GULP1: variants seen among roughly 807,000 people sequenced by gnomAD.
GULP1 encodes PTB domain-containing engulfment adapter protein 1.
Under a neutral mutation model 40.9 loss-of-function variants are expected in GULP1, and 19 were observed. That is an observed-to-expected ratio of 0.46 (90% confidence interval 0.32 to 0.68). GULP1 has a LOEUF of 0.68. Ranked by LOEUF, GULP1 falls within the 30% of genes least tolerant of loss-of-function variation. GULP1 has a pLI of 0.03. For missense variants in GULP1, 312 were observed against 362.2 expected, an observed-to-expected ratio of 0.86 and a Z score of 1.12; for synonymous variants, 119 against 117.6, an observed-to-expected ratio of 1.01 and a Z score of -0.08.
At chr2:188,566,301 C>A (rs961553183) in intron 7 of GULP1, among the ~76,000 whole-genome samples, 3 of 152,058 alleles carry the variant, frequency 2.0e-5, no homozygotes, top group African/African-American at 7.2e-5. Flanking sequence ...ATAATCCTTA[C>A]TTCAGAGCCA....
At chr2:188,390,804 G>A (rs2050417093) in intron 2 of GULP1, among the ~76,000 whole-genome samples, 1 of 151,968 alleles carries the variant, frequency 6.6e-6, no homozygotes, top group Admixed American at 6.6e-5. Context: ...TAAGATGAGA[G>A]ATAGGGATCC....
chr2:188,303,067 AT>A (rs1179115727), intron 1 of GULP1, among the ~76,000 whole-genome samples: 1 of 152,000 alleles, frequency 6.6e-6, no homozygotes, highest in Non-Finnish European at 1.5e-5. Context: ...GTCATGAATC[AT>A]TTTTTTCAAC....
In GULP1 at chr2:188,518,759, A is replaced by G. The variant is rs577308986; in HGVS notation, c.91-3997A>G. Among the ~76,000 whole-genome samples the G allele has an allele frequency of 2.6e-5, 4 of 152,320 alleles. No homozygotes were observed. The East Asian group carries it at 7.7e-4, about 29-fold the overall frequency. On this transcript the variant is annotated intron_variant, in intron 4 of 11. Transcript: ENST00000409830. Reference sequence around the variant, plus strand: ...ACAATCATTTGATAAGGGAATGGCAATCCCTCATAAACAACTTGTAGTTTA... The same window carrying G: ...ACAATCATTTGATAAGGGAATGGCAGTCCCTCATAAACAACTTGTAGTTTA...
intron 1 of GULP1, among the ~76,000 whole-genome samples, chr2:188,359,246 T>G (rs2045770331): frequency 6.6e-6 from 1 of 151,286 alleles, no homozygotes; most frequent in African/African-American, 2.5e-5. Context: ...ATTTATTGAG[T>G]TATACTTATA....
intron 2 of GULP1, among the ~76,000 whole-genome samples, chr2:188,433,815 G>A (rs2057145290): frequency 5.3e-5 from 8 of 152,046 alleles, no homozygotes; most frequent in Admixed American, 5.2e-4. Context: ...CTGAGAACAT[G>A]TTCTCCTTGA....
chr2:188,362,881 G>GA (rs1282151818), intron 1 of GULP1, among the ~76,000 whole-genome samples: 2 of 151,844 alleles, frequency 1.3e-5, no homozygotes, highest in African/African-American at 2.4e-5. Flanking sequence ...AACATTTGGA[G>GA]ATCTAGCACA....
chr2:188,378,121 CAG>C (rs1405915371), intron 1 of GULP1, among the ~76,000 whole-genome samples: 1 of 151,770 alleles, frequency 6.6e-6, no homozygotes, highest in Non-Finnish European at 1.5e-5. Context: ...CTCAAAGCAA[CAG>C]TGTGTTAGAT....
In GULP1 at chr2:188,548,096, A is replaced by G. The variant is rs532451231; in HGVS notation, c.399+6778A>G. Among the ~76,000 whole-genome samples, 109 of 152,212 alleles carry G rather than the reference A, an allele frequency of 7.2e-4. 1 individual carries two copies. The highest frequency in any genetic ancestry group is 2.0e-3 in the Admixed American group (30 of 15,240). On this transcript the variant is annotated intron_variant, in intron 7 of 11. Coordinates refer to ENST00000409830, the MANE Select transcript of GULP1 (RefSeq NM_016315.4). Reference sequence around the variant, plus strand: ...GCAAAACTTTTCACTCTCTTGGCTCATATGAAACACAGCCATAGAAGCTCT... The same window carrying G: ...GCAAAACTTTTCACTCTCTTGGCTCGTATGAAACACAGCCATAGAAGCTCT...
chr2:188,430,931 G>A (rs1046279662), intron 2 of GULP1, among the ~76,000 whole-genome samples: 1 of 152,106 alleles, frequency 6.6e-6, no homozygotes, highest in African/African-American at 2.4e-5. Flanking sequence ...GGCCTTGCTG[G>A]CTTTTCCCAC....
intron 4 of GULP1, among the ~76,000 whole-genome samples, chr2:188,514,299 G>A (rs1267527485): frequency 4.6e-5 from 7 of 152,096 alleles, no homozygotes; most frequent in Non-Finnish European, 1.0e-4. Flanking sequence ...GAAGTTTGCT[G>A]ATATTTTTGT....
At chr2:188,473,853 C>T (rs527862107) in intron 2 of GULP1, among the ~76,000 whole-genome samples, 1 of 152,128 alleles carries the variant, frequency 6.6e-6, no homozygotes, top group African/African-American at 2.4e-5. Context: ...GGAGTCTTGC[C>T]CCATAGCCAC....
intron 1 of GULP1, among the ~76,000 whole-genome samples, chr2:188,339,090 C>T (rs1465752793): frequency 1.3e-5 from 2 of 152,068 alleles, no homozygotes; most frequent in African/African-American, 2.4e-5. Context: ...TATTGTTTAC[C>T]TTGATGAAAA....
chr2:188,566,817 AAAAG>A (rs1697815376), intron 7 of GULP1, among the ~76,000 whole-genome samples: 1 of 150,926 alleles, frequency 6.6e-6, no homozygotes, highest in African/African-American at 2.4e-5. Flanking sequence ...AAAAAAAAAA[AAAAG>A]GGGAAGGATA....
intron 1 of GULP1, among the ~76,000 whole-genome samples, chr2:188,377,153 C>T (rs1392231305): frequency 6.7e-6 from 1 of 149,478 alleles, no homozygotes; most frequent in Admixed American, 6.7e-5. Context: ...TCCTGGGCAA[C>T]AGAGCGAGAC....
chr2:188,507,747 C>T (rs895812582), intron 4 of GULP1, among the ~76,000 whole-genome samples: 2 of 151,902 alleles, frequency 1.3e-5, no homozygotes, highest in African/African-American at 4.8e-5. Context: ...AATGAAACTA[C>T]ATAGTTCATT....
chr2:188,414,301 G>A (rs2054300456), intron 2 of GULP1, among the ~76,000 whole-genome samples: 1 of 151,458 alleles, frequency 6.6e-6, no homozygotes, highest in African/African-American at 2.4e-5. Context: ...CCAGTTTTTA[G>A]TTTTTGTTAT....
chr2:188,514,080 T>C (rs1014005683), intron 4 of GULP1, among the ~76,000 whole-genome samples: 16 of 148,766 alleles, frequency 1.1e-4, no homozygotes, highest in Admixed American at 4.0e-4. Flanking sequence ...TGTGTGTGTG[T>C]GTGCGCCCTG....
At chr2:188,311,202 C>CT (rs377628953) in intron 1 of GULP1, among the ~76,000 whole-genome samples, 57 of 147,672 alleles carry the variant, frequency 3.9e-4, no homozygotes, top group South Asian at 1.7e-3. Context: ...TCCACAAATA[C>CT]TTTTTTTTTT....
At chr2:188,489,596 A>G (rs1033877592) in intron 4 of GULP1, among the ~76,000 whole-genome samples, 1 of 151,948 alleles carries the variant, frequency 6.6e-6, no homozygotes, top group Non-Finnish European at 1.5e-5. Context: ...AAGCTTAACC[A>G]TCATTTTTCT....
Sources: allele counts gnomAD v4.1 joint callset (sites outside exome capture counted in the v4.1 genomes callset), GRCh38; gene constraint gnomAD v4.1.1; transcripts MANE v1.5; gene names NCBI Gene and HGNC (gene_info 2026-07-23, HGNC 2026-07-21).